The following FHIT variants were observed in gnomAD, a reference collection of about 807,000 sequenced individuals.
FHIT encodes bis(5'-adenosyl)-triphosphatase.
FHIT carries 19 observed loss-of-function variants against 17.9 expected under a neutral mutation model. The ratio of observed to expected loss-of-function variants is 1.06; its 90% CI spans 0.74 to 1.56. The LOEUF (loss-of-function observed/expected upper bound fraction) is 1.56. FHIT is among the 40% of genes most tolerant of loss of function. The pLI, the probability that FHIT is intolerant of heterozygous loss-of-function variation, is 0.00. For missense variants in FHIT, 248 were observed against 189.2 expected (o/e 1.31, Z -1.82); for synonymous variants, 81 against 69.7 (o/e 1.16, Z -0.81).
At chr3:60,610,833 G>C (rs1173468440) in intron 4 of FHIT, among the ~76,000 whole-genome samples, 1 of 152,188 alleles carries the variant, frequency 6.6e-6, no homozygotes, top group Non-Finnish European at 1.5e-5. Context: ...CCAGTCTGGA[G>C]AGCTTTGCTT....
chr3:61,144,137 T>C (rs2037163337), intron 2 of FHIT, among the ~76,000 whole-genome samples: 1 of 152,182 alleles, frequency 6.6e-6, no homozygotes, highest in Non-Finnish European at 1.5e-5. Context: ...AAGAACACAA[T>C]CAATTTTATA....
intron 4 of FHIT, among the ~76,000 whole-genome samples, chr3:60,808,535 G>T (rs1701473683): frequency 1.3e-5 from 2 of 152,140 alleles, no homozygotes; most frequent in Non-Finnish European, 1.5e-5. Flanking sequence ...TTAGTTTAAA[G>T]ATCTTAACTG....
At chr3:60,910,585 G>C (rs1480305212) in intron 3 of FHIT, among the ~76,000 whole-genome samples, 1 of 151,844 alleles carries the variant, frequency 6.6e-6, no homozygotes, top group African/African-American at 2.4e-5. Context: ...CTAATTTTTT[G>C]TATTTTTTAG....
intron 3 of FHIT, among the ~76,000 whole-genome samples, chr3:60,926,981 C>T (rs1553770132): frequency 6.6e-6 from 1 of 152,110 alleles, no homozygotes; most frequent in African/African-American, 2.4e-5. Flanking sequence ...CTTTCATCTC[C>T]GTCTCCCGCT....
chr3:61,159,803 C>T lies in FHIT; in HGVS notation c.-164+40814G>A, dbSNP rs1374983668. 5.9e-5 allele frequency among the ~76,000 whole-genome samples: 9 copies of T among 152,118 alleles called. No homozygotes were observed. In the East Asian group the frequency reaches 1.7e-3, roughly 29 times the overall value. On this transcript the variant is annotated intron_variant, in intron 2 of 9. Coordinates refer to ENST00000492590, the MANE Select transcript of FHIT (RefSeq NM_002012.4). ...TTACTAGTTCTCATTTTCCCTAATT[C>T]AGCATTTGTTTTCATCTATAGAATT... is the stretch of plus-strand genomic sequence containing the variant.
At chr3:60,276,774 A>G (rs778256971) in intron 5 of FHIT, among the ~76,000 whole-genome samples, 15 of 152,138 alleles carry the variant, frequency 9.9e-5, no homozygotes, top group Non-Finnish European at 2.2e-4. Context: ...ATGGCAGAAA[A>G]CAAAGGCGAG....
chr3:60,656,669 C>T (rs1185940997), intron 4 of FHIT, among the ~76,000 whole-genome samples: 1 of 152,156 alleles, frequency 6.6e-6, no homozygotes, highest in African/African-American at 2.4e-5. Flanking sequence ...AGCCTCAGCA[C>T]TTCTCTAAAC....
chr3:59,902,172 T>C (rs1358497565), intron 8 of FHIT, among the ~76,000 whole-genome samples: 3 of 152,080 alleles, frequency 2.0e-5, no homozygotes, highest in Non-Finnish European at 4.4e-5. Flanking sequence ...GAAGGGGACA[T>C]ACAAATAGCC....
intron 7 of FHIT, among the ~76,000 whole-genome samples, chr3:59,955,584 T>C (rs990118086): frequency 6.6e-6 from 1 of 152,144 alleles, no homozygotes; most frequent in Non-Finnish European, 1.5e-5. Flanking sequence ...GAGATCTCCA[T>C]GTGGAAGTCA....
chr3:60,060,480 T>C (rs1180211907), intron 5 of FHIT, among the ~76,000 whole-genome samples: 1 of 152,254 alleles, frequency 6.6e-6, no homozygotes, highest in Non-Finnish European at 1.5e-5. Flanking sequence ...TATGTAATGA[T>C]TAATCCTTTG....
At chr3:60,808,231 G>A (rs890077597) in intron 4 of FHIT, among the ~76,000 whole-genome samples, 15 of 152,154 alleles carry the variant, frequency 9.9e-5, no homozygotes, top group African/African-American at 3.6e-4. Flanking sequence ...TGTGATATGT[G>A]GCTAAAAATA....
intron 5 of FHIT, among the ~76,000 whole-genome samples, chr3:60,289,039 T>C (rs1161602398): frequency 6.6e-6 from 1 of 152,214 alleles, no homozygotes; most frequent in Non-Finnish European, 1.5e-5. Flanking sequence ...ATCATTTTTT[T>C]AATCCAAGTT....
chr3:60,293,387 G>A (rs951041124), intron 5 of FHIT, among the ~76,000 whole-genome samples: 1 of 151,624 alleles, frequency 6.6e-6, no homozygotes, highest in African/African-American at 2.4e-5. Flanking sequence ...GGACACAGAA[G>A]CTAAACAAGA....
chr3:60,272,553 C>A (rs915621704), intron 5 of FHIT, among the ~76,000 whole-genome samples: 2 of 152,104 alleles, frequency 1.3e-5, no homozygotes, highest in African/African-American at 4.8e-5. Flanking sequence ...CATATCAAAT[C>A]TTGAGGTACA....
chr3:61,177,185 A>G (rs1224769186), intron 2 of FHIT, among the ~76,000 whole-genome samples: 9 of 146,720 alleles, frequency 6.1e-5, no homozygotes, highest in Non-Finnish European at 6.0e-5. Flanking sequence ...TCAAAAAAAA[A>G]AAAAAGAAAA....
chr3:59,859,914 G>A (rs1292223592), intron 8 of FHIT, among the ~76,000 whole-genome samples: 1 of 152,134 alleles, frequency 6.6e-6, no homozygotes, highest in Admixed American at 6.6e-5. Flanking sequence ...ATTCCTGATT[G>A]GAAGTGTTTT....
chr3:60,231,470 CCTGACTT>C (rs1704493342), intron 5 of FHIT, among the ~76,000 whole-genome samples: 1 of 152,178 alleles, frequency 6.6e-6, no homozygotes, highest in Admixed American at 6.5e-5. Context: ...TAACCAACAA[CCTGACTT>C]CTAGCACCAC....
At chr3:60,499,793 C>G (rs1160791723) in intron 5 of FHIT, among the ~76,000 whole-genome samples, 14 of 152,098 alleles carry the variant, frequency 9.2e-5, no homozygotes, top group Admixed American at 9.2e-4. Flanking sequence ...ATGGGCTGGT[C>G]CCTCCTCGTT....
At chr3:59,768,622 A>G (rs1701919625) in intron 8 of FHIT, among the ~76,000 whole-genome samples, 1 of 152,234 alleles carries the variant, frequency 6.6e-6, no homozygotes, top group Non-Finnish European at 1.5e-5. Flanking sequence ...CTTCCCAGAC[A>G]TCAATGTCAT....
Sources: gnomAD v4.1 joint callset for allele counts (sites outside exome capture counted in the v4.1 genomes callset) on GRCh38, gnomAD v4.1.1 for gene constraint, MANE v1.5 for transcripts, NCBI Gene and HGNC (gene_info 2026-07-23, HGNC 2026-07-21) for gene names.